The following CABCOCO1 variants were observed in gnomAD, a reference collection of about 807,000 sequenced individuals.
CABCOCO1 encodes ciliary associated calcium binding coiled-coil 1.
In CABCOCO1, 28 loss-of-function variants were observed where a neutral mutation model predicts 35.7. That is an observed-to-expected ratio of 0.78 (90% CI 0.58 to 1.07). CABCOCO1 has a LOEUF of 1.07. CABCOCO1 is among the 50% of genes least tolerant of loss of function. The pLI is 0.00. For missense variants in CABCOCO1, 326 were observed against 309.2 expected (o/e 1.05, Z -0.41); for synonymous variants, 95 against 100.1 (o/e 0.95, Z 0.30).
intron 5 of CABCOCO1, among the ~76,000 whole-genome samples, chr10:61,705,351 T>A (rs1373914084): frequency 6.6e-6 from 1 of 152,240 alleles, no homozygotes; most frequent in Non-Finnish European, 1.5e-5. Context: ...CATTTCCAGG[T>A]CAGTGTCTGT....
chr10:61,718,537 A>C (rs1453782656), intron 5 of CABCOCO1, among the ~76,000 whole-genome samples: 2 of 152,166 alleles, frequency 1.3e-5, no homozygotes, highest in African/African-American at 2.4e-5. Context: ...AATATGAAGC[A>C]AAGGTCAGAA....
intron 1 of CABCOCO1, among the ~76,000 whole-genome samples, chr10:61,663,861 T>C (rs1434086595): frequency 6.6e-6 from 1 of 152,188 alleles, no homozygotes; most frequent in Non-Finnish European, 1.5e-5. Flanking sequence ...ACGGAGTCTG[T>C]TACGATTGTT....
chr10:61,706,686 T>C (rs1313039883), intron 5 of CABCOCO1, among the ~76,000 whole-genome samples: 3 of 152,104 alleles, frequency 2.0e-5, no homozygotes, highest in Non-Finnish European at 4.4e-5. Flanking sequence ...ATGGAACCCA[T>C]CCAGAGGCTC....
At chr10:61,758,372 A>G (rs1225735147) in intron 5 of CABCOCO1, among the ~76,000 whole-genome samples, 1 of 152,118 alleles carries the variant, frequency 6.6e-6, no homozygotes, top group South Asian at 2.1e-4. Context: ...ATGAAAAACA[A>G]GAGTGCTGAA....
At chr10:61,740,474 C>G (rs1841525619) in intron 5 of CABCOCO1, among the ~76,000 whole-genome samples, 1 of 152,178 alleles carries the variant, frequency 6.6e-6, no homozygotes. Flanking sequence ...CTATTCAAGT[C>G]TTGCCATGAT....
At chr10:61,734,715 G>A (rs566203150) in intron 5 of CABCOCO1, among the ~76,000 whole-genome samples, 3 of 152,154 alleles carry the variant, frequency 2.0e-5, no homozygotes, top group Non-Finnish European at 2.9e-5. Context: ...AACTGGCAAC[G>A]TTCATAACTA....
intron 5 of CABCOCO1, among the ~76,000 whole-genome samples, chr10:61,698,975 T>C (rs1589129033): frequency 6.6e-6 from 1 of 152,244 alleles, no homozygotes; most frequent in South Asian, 2.1e-4. Flanking sequence ...GATGTACCTA[T>C]CAAAATAATC....
chr10:61,686,789 T>C (rs1032788243), intron 4 of CABCOCO1, among the ~76,000 whole-genome samples: 1 of 152,200 alleles, frequency 6.6e-6, no homozygotes. Flanking sequence ...AAAGTATTTT[T>C]ATTACAGTGA....
chr10:61,736,576 A>C (rs9665645), intron 5 of CABCOCO1, among the ~76,000 whole-genome samples: 7,932 of 152,136 alleles, frequency 0.052, 735 homozygotes, highest in African/African-American at 0.18. Flanking sequence ...GGGTAACATG[A>C]TTCCTCCAGA....
At chr10:61,690,107 A>C (rs1227998256) in intron 4 of CABCOCO1, among the ~76,000 whole-genome samples, 1 of 152,138 alleles carries the variant, frequency 6.6e-6, no homozygotes, top group African/African-American at 2.4e-5. Context: ...TGAGAATGTG[A>C]GAAGTAATTG....
At position 61,760,142 on chromosome 10, in the gene CABCOCO1, A is replaced by G. The variant is rs1841978573; in HGVS notation, c.636A>G (p.Thr212=). The change falls in exon 6 of 8, where the codon ACA becomes ACG. Residue 212 remains threonine (T), a synonymous_variant. Transcript: ENST00000648843. ...GAATCTCATTTGATATTTATTCAACATTCATAGAGCCCCCCACAATATTGG... is the reference window on the plus strand; with the variant it reads ...GAATCTCATTTGATATTTATTCAACGTTCATAGAGCCCCCCACAATATTGG... ...EEGISFDIYS[T]FIEPPTILDT... is the part of the protein sequence containing the mutation. 1 of 1,612,098 alleles carries G rather than the reference A, an allele frequency of 6.2e-7. No individual in the cohort carries two copies. The highest frequency in any genetic ancestry group is 8.5e-7 in the Non-Finnish European group (1 of 1,178,614).
At chr10:61,738,247 T>C (rs11818554) in intron 5 of CABCOCO1, among the ~76,000 whole-genome samples, 96,898 of 151,722 alleles carry the variant, frequency 0.64, 32,933 homozygotes, top group Middle Eastern at 0.84. Flanking sequence ...CCATCTACTC[T>C]CCCAAAAGAG....
intron 3 of CABCOCO1, chr10:61,684,908 T>A (rs912920178): frequency 7.2e-5 from 11 of 152,178 alleles, no homozygotes; most frequent in African/African-American, 2.4e-4. Context: ...GGAATTATAT[T>A]TTTATTACAG....
Position 61,766,220 on chromosome 10 carries a change from C to A in CABCOCO1, c.*207C>A. On this transcript the variant is annotated 3_prime_UTR_variant, in exon 8 of 8. Coordinates refer to ENST00000648843, the MANE Select transcript of CABCOCO1 (RefSeq NM_001366906.2). The stretch of plus-strand genomic sequence containing the variant: ...ATAACAGCCTCTGAATTTATTGCAC[C>A]AAGTGTAATGAGAACATTTTGTATA... 1 of 436,974 alleles carries A rather than the reference C, an allele frequency of 2.3e-6. No homozygotes were observed. The highest frequency in any genetic ancestry group is 4.1e-6 in the Non-Finnish European group (1 of 241,628). 27.1% of individuals were successfully genotyped at this position (436,974 alleles called of 1,614,324 possible). A position where few individuals can be genotyped will look rare whatever the true frequency, so the allele number is the denominator to read the frequency against.
At chr10:61,738,840 A>G (rs1564552154) in intron 5 of CABCOCO1, among the ~76,000 whole-genome samples, 1 of 152,230 alleles carries the variant, frequency 6.6e-6, no homozygotes, top group Admixed American at 6.5e-5. Flanking sequence ...GTCTATAAAA[A>G]AACAAAGACA....
intron 4 of CABCOCO1, among the ~76,000 whole-genome samples, chr10:61,687,650 T>TCA (rs1359239897): frequency 6.6e-6 from 1 of 152,194 alleles, no homozygotes; most frequent in Non-Finnish European, 1.5e-5. Context: ...ACATATTTCT[T>TCA]GACATTGTCC....
chr10:61,760,527 AT>A (rs1841987948), intron 6 of CABCOCO1, among the ~76,000 whole-genome samples: 2 of 152,024 alleles, frequency 1.3e-5, no homozygotes, highest in Non-Finnish European at 2.9e-5. Context: ...CTAGAAAAGT[AT>A]CCAATAGAAA....
chr10:61,725,508 G>GT lies in CABCOCO1; in HGVS notation c.553-34551_553-34550insT, dbSNP rs529553802. The stretch of plus-strand genomic sequence containing the variant: ...ATCATTCTGAGCAAACTATCAGAAG[G>GT]ACAGAAAACCAAACACCACATGTTC... On this transcript the variant is annotated intron_variant, in intron 5 of 7. Transcript: ENST00000648843. 4.6e-3 allele frequency among the ~76,000 whole-genome samples: 694 copies of GT among 150,570 alleles called. 10 individuals are homozygous for GT. Among genetic ancestry groups the GT allele is most frequent in the African/African-American group, 0.016 (646 of 40,928 alleles).
intron 5 of CABCOCO1, among the ~76,000 whole-genome samples, chr10:61,715,146 C>T (rs942261373): frequency 6.6e-6 from 1 of 151,860 alleles, no homozygotes; most frequent in African/African-American, 2.4e-5. Context: ...TGTGGGAGTC[C>T]AAGTCTCTTT....
Sources: allele counts gnomAD v4.1 joint callset (sites outside exome capture counted in the v4.1 genomes callset), GRCh38; gene constraint gnomAD v4.1.1; transcripts MANE v1.5; gene names NCBI Gene and HGNC (gene_info 2026-07-23, HGNC 2026-07-21).